The following HS3ST4 variants were observed in gnomAD, a reference collection of about 807,000 sequenced individuals.
The protein encoded by HS3ST4 is heparan sulfate-glucosamine 3-sulfotransferase 4.
A neutral mutation model predicts 29.2 loss-of-function variants in HS3ST4; 17 were observed. The ratio of observed to expected loss-of-function variants is 0.58; its 90% CI spans 0.40 to 0.87. The LOEUF (loss-of-function observed/expected upper bound fraction) is 0.87, where lower values mean the gene tolerates loss of function less well. Ranked by LOEUF, HS3ST4 falls within the 40% of genes least tolerant of loss-of-function variation. The probability of loss-of-function intolerance (pLI) is 0.00; values close to 1 mark genes in which losing one functional copy is unlikely to be tolerated. For synonymous variants in HS3ST4, 314 were observed against 285.7 expected (o/e 1.10, Z -1.00); for missense variants, 627 against 634.5 (o/e 0.99, Z 0.13).
chr16:25,710,271 A>T (rs1966406608), intron 1 of HS3ST4, among the ~76,000 whole-genome samples: 1 of 152,202 alleles, frequency 6.6e-6, no homozygotes, highest in Admixed American at 6.5e-5. Flanking sequence ...GCACACAAGG[A>T]TATTTTCTTC....
chr16:25,912,746 G>C (rs1968253431), intron 1 of HS3ST4, among the ~76,000 whole-genome samples: 2 of 152,202 alleles, frequency 1.3e-5, no homozygotes, highest in South Asian at 4.1e-4. Flanking sequence ...ACATACCCCT[G>C]TGGCTGGCCT....
intron 1 of HS3ST4, among the ~76,000 whole-genome samples, chr16:25,703,276 C>T (rs12444905): frequency 0.32 from 48,645 of 151,914 alleles, 7,983 homozygotes; most frequent in South Asian, 0.48. Context: ...TATTTTAGGA[C>T]GGGAGGGGGA....
chr16:25,749,330 C>T (rs1966704005), intron 1 of HS3ST4, among the ~76,000 whole-genome samples: 1 of 151,968 alleles, frequency 6.6e-6, no homozygotes, highest in African/African-American at 2.4e-5. Context: ...CCTGTCTCTA[C>T]TAAAAATACA....
intron 1 of HS3ST4, among the ~76,000 whole-genome samples, chr16:25,743,785 T>C (rs372665612): frequency 2.6e-5 from 4 of 152,264 alleles, no homozygotes. Flanking sequence ...GGATTACAGG[T>C]GTGAGCCACC....
intron 1 of HS3ST4, among the ~76,000 whole-genome samples, chr16:25,806,141 A>G (rs780041601): frequency 9.2e-5 from 14 of 152,032 alleles, no homozygotes; most frequent in Non-Finnish European, 2.1e-4. Flanking sequence ...TGTCTTTGCT[A>G]TTGTGAATAG....
chr16:25,936,960 A>G (rs1424734211), intron 1 of HS3ST4, among the ~76,000 whole-genome samples: 1 of 152,196 alleles, frequency 6.6e-6, no homozygotes, highest in Admixed American at 6.5e-5. Context: ...ACCACCAAAT[A>G]TTTGGCATTT....
chr16:25,727,850 G>T (rs1966547308), intron 1 of HS3ST4, among the ~76,000 whole-genome samples: 1 of 152,154 alleles, frequency 6.6e-6, no homozygotes, highest in South Asian at 2.1e-4. Flanking sequence ...AAATACACAT[G>T]TGCACACATA....
chr16:26,024,009 G>T (rs1969442022), intron 1 of HS3ST4, among the ~76,000 whole-genome samples: 1 of 152,094 alleles, frequency 6.6e-6, no homozygotes, highest in African/African-American at 2.4e-5. Context: ...TGTATCACTT[G>T]AGATCGGGAG....
intron 1 of HS3ST4, among the ~76,000 whole-genome samples, chr16:25,899,641 G>A (rs1476302900): frequency 6.6e-6 from 1 of 151,710 alleles, no homozygotes; most frequent in African/African-American, 2.4e-5. Context: ...AAGTAGCTGG[G>A]ATTACAGGCG....
chr16:26,055,495 A>C (rs142591721), intron 1 of HS3ST4, among the ~76,000 whole-genome samples: 15 of 152,146 alleles, frequency 9.9e-5, no homozygotes, highest in African/African-American at 3.6e-4. Flanking sequence ...CACAGAGGCT[A>C]TCAGGGAAGA....
chr16:25,837,648 A>G (rs921968656), intron 1 of HS3ST4, among the ~76,000 whole-genome samples: 20 of 152,278 alleles, frequency 1.3e-4, no homozygotes, highest in African/African-American at 4.6e-4. Flanking sequence ...TACAGGTCCT[A>G]TATAACAGAT....
intron 1 of HS3ST4, among the ~76,000 whole-genome samples, chr16:25,818,833 T>C (rs1239325898): frequency 6.6e-6 from 1 of 152,220 alleles, no homozygotes; most frequent in East Asian, 1.9e-4. Context: ...TTTTTTCTTT[T>C]GCATTCATTG....
At chr16:25,917,741 A>T (rs775913726) in intron 1 of HS3ST4, among the ~76,000 whole-genome samples, 13 of 152,208 alleles carry the variant, frequency 8.5e-5, no homozygotes, top group Non-Finnish European at 1.5e-4. Context: ...TCTGCTATAC[A>T]TGTGAAATAG....
At chr16:25,878,609 C>T (rs1028128897) in intron 1 of HS3ST4, among the ~76,000 whole-genome samples, 1 of 152,146 alleles carries the variant, frequency 6.6e-6, no homozygotes, top group African/African-American at 2.4e-5. Flanking sequence ...GGTGCATTTG[C>T]ACCTGCTTCC....
At chr16:25,775,300 C>T (rs1966846578) in intron 1 of HS3ST4, among the ~76,000 whole-genome samples, 1 of 152,146 alleles carries the variant, frequency 6.6e-6, no homozygotes, top group Non-Finnish European at 1.5e-5. Flanking sequence ...GCAGCTGTTG[C>T]CTGCCTCTTG....
chr16:25,715,276 C>T (rs904122927), intron 1 of HS3ST4, among the ~76,000 whole-genome samples: 11 of 144,304 alleles, frequency 7.6e-5, no homozygotes, highest in East Asian at 2.1e-4. Context: ...GAGCCGAGAT[C>T]GCGCCACTGC....
At chr16:25,808,283 C>A (rs1967008088) in intron 1 of HS3ST4, among the ~76,000 whole-genome samples, 2 of 152,104 alleles carry the variant, frequency 1.3e-5, no homozygotes, top group Admixed American at 1.3e-4. Context: ...GTGCACAATC[C>A]ATTTTTGAGT....
chr16:25,702,803 C>T (rs551594110), intron 1 of HS3ST4, among the ~76,000 whole-genome samples: 1 of 152,220 alleles, frequency 6.6e-6, no homozygotes, highest in Non-Finnish European at 1.5e-5. Context: ...GCCTTACACC[C>T]CCAATTCAGG....
intron 1 of HS3ST4, among the ~76,000 whole-genome samples, chr16:25,828,242 C>CTTTCTTTTTCTGTCTTTCTTTCTT (rs1371928058): frequency 8.0e-5 from 6 of 75,016 alleles, no homozygotes; most frequent in Admixed American, 4.5e-4. Flanking sequence ...TTCTTTCTTT[C>CTTTCTTTTTCTGTCTTTCTTTCTT]TCTTTCTTTC....
Sources: gnomAD v4.1 joint callset for allele counts (sites outside exome capture counted in the v4.1 genomes callset) on GRCh38, gnomAD v4.1.1 for gene constraint, MANE v1.5 for transcripts, NCBI Gene and HGNC (gene_info 2026-07-23, HGNC 2026-07-21) for gene names.